The following CDH23 variants were observed in gnomAD, a reference collection of about 807,000 sequenced individuals.
The protein encoded by CDH23 is cadherin related 23, also known as cadherin-23.
CDH23 carries 189 observed loss-of-function variants against 317.1 expected under a neutral mutation model. The observed-to-expected ratio is 0.60, with a 90% CI of 0.53 to 0.67. CDH23 has a LOEUF of 0.67. CDH23 is among the 30% of genes least tolerant of loss of function. The pLI, the probability that CDH23 is intolerant of heterozygous loss-of-function variation, is 0.00. For synonymous variants in CDH23, 1,839 were observed against 1,876.8 expected, an observed-to-expected ratio of 0.98 and a Z score of 0.52; for missense variants, 4,401 against 4,592.4, an observed-to-expected ratio of 0.96 and a Z score of 1.20.
chr10:71,582,394 T>C (rs7096818), intron 9 of CDH23, among the ~76,000 whole-genome samples: 2,141 of 152,348 alleles, frequency 0.014, 51 homozygotes, highest in African/African-American at 0.049. Context: ...TGTTTTATAT[T>C]GATGACATGT....
At chr10:71,529,005 C>G (rs1855205633) in intron 6 of CDH23, among the ~76,000 whole-genome samples, 1 of 140,240 alleles carries the variant, frequency 7.1e-6, no homozygotes, top group African/African-American at 2.5e-5. Flanking sequence ...GGGAGGGTCT[C>G]TCTCTCTCTA....
At chr10:71,645,747 C>T (rs1862814760) in intron 12 of CDH23, 84 bp from the exon 13 acceptor site, 1 of 1,487,508 alleles carries the variant, frequency 6.7e-7, no homozygotes, top group Non-Finnish European at 9.3e-7. Context: ...GGCTCACTCT[C>T]CAGGAGCCTC....
At chr10:71,798,664 G>GT in intron 50 of CDH23, 86 bp downstream of exon 50, 4 of 1,079,822 alleles carry the variant, frequency 3.7e-6, no homozygotes, top group Non-Finnish European at 5.3e-6. Context: ...CCCCTCTGTG[G>GT]CTCCTCAGTG....
chr10:71,599,792 C>T (rs1314415491), intron 9 of CDH23, among the ~76,000 whole-genome samples: 1 of 152,146 alleles, frequency 6.6e-6, no homozygotes, highest in Non-Finnish European at 1.5e-5. Context: ...TTCTAACGTG[C>T]TGTGTGTTGT....
intron 38 of CDH23, among the ~76,000 whole-genome samples, chr10:71,747,028 C>T (rs1026678861): frequency 1.3e-5 from 2 of 152,202 alleles, no homozygotes; most frequent in African/African-American, 4.8e-5. Flanking sequence ...CCCAGCCTGG[C>T]CCTCACCCTC....
At chr10:71,534,987 G>C (rs902896053) in intron 6 of CDH23, among the ~76,000 whole-genome samples, 1 of 152,240 alleles carries the variant, frequency 6.6e-6, no homozygotes, top group South Asian at 2.1e-4. Flanking sequence ...TCCCCTCCCT[G>C]TGTGGGCTGT....
chr10:71,496,378 A>C (rs1852968783), intron 3 of CDH23, among the ~76,000 whole-genome samples: 1 of 152,114 alleles, frequency 6.6e-6, no homozygotes, highest in African/African-American at 2.4e-5. Flanking sequence ...CCTAAGCTGA[A>C]TGTGCCTGGG....
chr10:71,512,741 C>T (rs377294942), intron 6 of CDH23, among the ~76,000 whole-genome samples: 2 of 152,228 alleles, frequency 1.3e-5, no homozygotes, highest in Non-Finnish European at 2.9e-5. Context: ...TTCCAACACT[C>T]GGCCCTGTTG....
At chr10:71,429,296 T>C (rs1849257401) in intron 1 of CDH23, among the ~76,000 whole-genome samples, 1 of 152,230 alleles carries the variant, frequency 6.6e-6, no homozygotes, top group South Asian at 2.1e-4. Context: ...ATGGGTTCTG[T>C]CTGCTCATTC....
chr10:71,811,244 G>A lies in CDH23; in HGVS notation c.9078-71G>A, dbSNP rs1027986005. Reference sequence around the variant, plus strand: ...TGTTGAACTTTGGAGGCTTGAGGCAGGAGCAGAGCAGACTGTCGGTGGTGG... The same window carrying A: ...TGTTGAACTTTGGAGGCTTGAGGCAAGAGCAGAGCAGACTGTCGGTGGTGG... On this transcript the variant is annotated intron_variant, in intron 62 of 69. Transcript: ENST00000224721. 3.1e-6 allele frequency: 5 copies of A among 1,608,042 alleles called. No homozygotes were observed. In the African/African-American group the frequency reaches 4.0e-5, roughly 13 times the overall value.
intron 1 of CDH23, among the ~76,000 whole-genome samples, chr10:71,438,805 A>C (rs1849739373): frequency 6.6e-6 from 1 of 152,192 alleles, no homozygotes; most frequent in African/African-American, 2.4e-5. Context: ...CTCTAAGCCT[A>C]CTTTGTGAGC....
rs558136723 is a variant in CDH23, at chr10:71,605,333, T to C, written c.833-10171T>C. Reference sequence around the variant, plus strand: ...AAATGGCTGGAGCAATGGTTCTTCATTGGGGCGATTGTGCCTCTCAGGAGA... The same window carrying C: ...AAATGGCTGGAGCAATGGTTCTTCACTGGGGCGATTGTGCCTCTCAGGAGA... On this transcript the variant is annotated intron_variant, in intron 9 of 69. Transcript: ENST00000224721. Among the ~76,000 whole-genome samples the C allele has an allele frequency of 5.9e-5, 9 of 152,266 alleles. No individual in the cohort carries two copies. In the East Asian group the frequency reaches 1.5e-3, roughly 26 times the overall value.
intron 38 of CDH23, among the ~76,000 whole-genome samples, chr10:71,766,075 G>A (rs985469592): frequency 2.6e-5 from 4 of 152,246 alleles, no homozygotes; most frequent in Non-Finnish European, 5.9e-5. Flanking sequence ...CGTGCCCCGC[G>A]GACTCCACAT....
intron 9 of CDH23, among the ~76,000 whole-genome samples, chr10:71,582,755 T>G (rs17531870): frequency 6.6e-6 from 1 of 151,988 alleles, no homozygotes; most frequent in East Asian, 1.9e-4. Flanking sequence ...CCACCCACAG[T>G]TGACCGAGGG....
Position 71,780,263 on chromosome 10 carries a change from T to C in CDH23, c.5368+816T>C, listed in dbSNP as rs1221091402. 2.6e-5 allele frequency among the ~76,000 whole-genome samples: 4 copies of C among 152,224 alleles called. No homozygotes were observed. The East Asian group carries it at 7.7e-4, about 29-fold the overall frequency. On this transcript the variant is annotated intron_variant, in intron 41 of 69. Transcript: ENST00000224721. Reference sequence around the variant, plus strand: ...CAAACAGATGCAAATCCCTGCCCCGTAGAACGTACGTTCCAGTTGGAGGAC... The same window carrying C: ...CAAACAGATGCAAATCCCTGCCCCGCAGAACGTACGTTCCAGTTGGAGGAC...
At chr10:71,703,905 T>C (rs1424676353) in intron 24 of CDH23, among the ~76,000 whole-genome samples, 1 of 152,242 alleles carries the variant, frequency 6.6e-6, no homozygotes, top group Non-Finnish European at 1.5e-5. Flanking sequence ...ATGCAACTTC[T>C]GAGTTCATAG....
intron 38 of CDH23, among the ~76,000 whole-genome samples, chr10:71,759,236 C>T (rs1288386838): frequency 1.3e-5 from 2 of 151,676 alleles, no homozygotes; most frequent in African/African-American, 4.8e-5. Flanking sequence ...TGGGGTTTCA[C>T]CCTGTTGGCC....
chr10:71,760,349 C>G (rs1441162239), intron 38 of CDH23: 3 of 147,518 alleles, frequency 2.0e-5, no homozygotes, highest in Non-Finnish European at 4.5e-5. Flanking sequence ...GATAATAATA[C>G]TTAAAAAGAC....
In CDH23 at chr10:71,739,673, C is replaced by G. The variant is rs753238621; in HGVS notation, c.4389C>G (p.Ile1463Met). Residue 1463 changes from isoleucine to methionine, a missense_variant, in exon 36 of 70, where the codon ATC becomes ATG. Transcript: ENST00000224721. ...TCTTCTCCCTGGCCTCTGGCAACAT[C>G]GCGGGGGCCTTTGAGATCGTCACCA... ...QVVFSLASGNIAGAFEIVTTN... is the reference protein window; with the variant it reads ...QVVFSLASGNMAGAFEIVTTN... 9 of 1,613,138 alleles carry G rather than the reference C, an allele frequency of 5.6e-6. No homozygotes were observed. Among genetic ancestry groups the G allele is most frequent in the Non-Finnish European group, 7.6e-6 (9 of 1,179,514 alleles).
Sources: gnomAD v4.1 joint callset for allele counts (sites outside exome capture counted in the v4.1 genomes callset) on GRCh38, gnomAD v4.1.1 for gene constraint, MANE v1.5 for transcripts, NCBI Gene and HGNC (gene_info 2026-07-23, HGNC 2026-07-21) for gene names.